PTPRK: variants seen among roughly 807,000 people sequenced by gnomAD.
PTPRK encodes receptor-type tyrosine-protein phosphatase kappa.
In PTPRK, 75 loss-of-function variants were observed where a neutral mutation model predicts 178.0. That is an observed-to-expected ratio of 0.42 (90% CI 0.35 to 0.51). The LOEUF (loss-of-function observed/expected upper bound fraction) is 0.51, where lower values mean the gene tolerates loss of function less well. Ranked by LOEUF, PTPRK falls within the 20% of genes least tolerant of loss-of-function variation. The pLI is 0.02. For synonymous variants in PTPRK, 637 were observed against 620.6 expected, an observed-to-expected ratio of 1.03 and a Z score of -0.39; for missense variants, 1,441 against 1,797.8, an observed-to-expected ratio of 0.80 and a Z score of 3.59.
At chr6:127,975,863 G>C (rs144253850) in intron 27 of PTPRK, among the ~76,000 whole-genome samples, 1 of 146,096 alleles carries the variant, frequency 6.8e-6, no homozygotes, top group Non-Finnish European at 1.5e-5. Flanking sequence ...AGTAGAGATG[G>C]GGTTTCACCA....
chr6:128,368,085 A>G (rs1380408528), intron 2 of PTPRK, among the ~76,000 whole-genome samples: 1 of 152,140 alleles, frequency 6.6e-6, no homozygotes, highest in Non-Finnish European at 1.5e-5. Flanking sequence ...TTGTTTTGTA[A>G]GTCACTGGAT....
chr6:128,099,963 T>C lies in PTPRK; in HGVS notation c.1163-9971A>G, dbSNP rs75122479. Among the ~76,000 whole-genome samples the C allele has an allele frequency of 2.7e-3, 405 of 152,190 alleles. 1 individual carries two copies. The highest frequency in any genetic ancestry group is 9.3e-3 in the African/African-American group (385 of 41,574). On this transcript the variant is annotated intron_variant, in intron 7 of 29. Transcript: ENST00000368226. ...TCAGAGATTAAATTAAAAGGAGATA[T>C]ATGGCCTGCACATACTAGAAATGCT... is the stretch of plus-strand genomic sequence containing the variant.
At chr6:127,996,523 G>C (rs1235914937) in intron 17 of PTPRK, among the ~76,000 whole-genome samples, 1 of 152,136 alleles carries the variant, frequency 6.6e-6, no homozygotes, top group African/African-American at 2.4e-5. Context: ...CCAGGCTGGA[G>C]TGCAGTAATG....
At chr6:128,046,067 T>A (rs1385660548) in intron 13 of PTPRK, among the ~76,000 whole-genome samples, 2 of 152,168 alleles carry the variant, frequency 1.3e-5, no homozygotes, top group African/African-American at 4.8e-5. Context: ...CAGGAAATAT[T>A]AGTGCCTAAC....
intron 13 of PTPRK, among the ~76,000 whole-genome samples, chr6:128,059,241 C>T (rs76674214): frequency 0.027 from 4,061 of 152,132 alleles, 179 homozygotes; most frequent in African/African-American, 0.093. Context: ...ACTGACATTT[C>T]ACCAATATTG....
intron 7 of PTPRK, among the ~76,000 whole-genome samples, chr6:128,138,372 T>C (rs1795304829): frequency 1.3e-5 from 2 of 152,186 alleles, no homozygotes; most frequent in South Asian, 2.1e-4. Context: ...CGGGAAAAAA[T>C]AGATGTGCAA....
intron 2 of PTPRK, among the ~76,000 whole-genome samples, chr6:128,380,991 G>A (rs1837829850): frequency 6.6e-6 from 1 of 152,082 alleles, no homozygotes; most frequent in East Asian, 1.9e-4. Context: ...CTATCAGACA[G>A]TTTTAAACCC....
chr6:128,072,153 T>C (rs1283654515), intron 11 of PTPRK, among the ~76,000 whole-genome samples: 1 of 152,008 alleles, frequency 6.6e-6, no homozygotes, highest in Non-Finnish European at 1.5e-5. Context: ...CCCATTCCTT[T>C]TAATAAACTT....
rs141332481 is a variant in PTPRK at position 128,325,548 on chromosome 6, C to A, written c.224-3238G>T. ...CACTTTTCAAAAGAAGACATTTATG[C>A]GGCCAACAAACATAAAAAAAAAGGT... On this transcript the variant is annotated intron_variant, in intron 2 of 29. Transcript: ENST00000368226. Among the ~76,000 whole-genome samples, 4 of 151,906 alleles carry A rather than the reference C, an allele frequency of 2.6e-5. No individual in the cohort carries two copies. In the South Asian group the frequency reaches 8.3e-4, roughly 32 times the overall value.
chr6:128,148,690 G>C (rs775901553), intron 7 of PTPRK, among the ~76,000 whole-genome samples: 2 of 151,976 alleles, frequency 1.3e-5, no homozygotes, highest in Non-Finnish European at 2.9e-5. Context: ...CAGAAACCAA[G>C]GACTGGCTGA....
chr6:128,356,074 C>T (rs1416993323), intron 2 of PTPRK, among the ~76,000 whole-genome samples: 3 of 152,140 alleles, frequency 2.0e-5, no homozygotes, highest in African/African-American at 7.2e-5. Context: ...GCCTAGGTCC[C>T]AGGTGTTACT....
intron 1 of PTPRK, among the ~76,000 whole-genome samples, chr6:128,511,938 A>G (rs1857251586): frequency 6.6e-6 from 1 of 152,154 alleles, no homozygotes; most frequent in Admixed American, 6.6e-5. Flanking sequence ...CTCTCAGTAA[A>G]TTACAGCTCA....
At chr6:128,108,051 CA>C (rs1790004996) in intron 7 of PTPRK, among the ~76,000 whole-genome samples, 1 of 147,472 alleles carries the variant, frequency 6.8e-6, no homozygotes, top group African/African-American at 2.5e-5. Flanking sequence ...AAAAACAAAC[CA>C]AATCCCTAAA....
At chr6:128,072,375 C>A (rs1260938067) in intron 11 of PTPRK, among the ~76,000 whole-genome samples, 3 of 151,840 alleles carry the variant, frequency 2.0e-5, no homozygotes, top group Admixed American at 6.6e-5. Flanking sequence ...TACATCTAAC[C>A]CACTGAACAG....
At chr6:128,315,685 T>G (rs1445430033) in intron 3 of PTPRK, among the ~76,000 whole-genome samples, 1 of 152,182 alleles carries the variant, frequency 6.6e-6, no homozygotes, top group Non-Finnish European at 1.5e-5. Flanking sequence ...ATAATAAAAT[T>G]GAAAAGACTA....
At chr6:128,123,507 T>C (rs909023194) in intron 7 of PTPRK, among the ~76,000 whole-genome samples, 2 of 152,202 alleles carry the variant, frequency 1.3e-5, no homozygotes, top group Non-Finnish European at 2.9e-5. Flanking sequence ...TTTCCAAAGA[T>C]AGTACAAAGT....
chr6:128,462,658 T>C (rs1328460042), intron 1 of PTPRK, among the ~76,000 whole-genome samples: 1 of 150,950 alleles, frequency 6.6e-6, no homozygotes, highest in Admixed American at 6.6e-5. Context: ...TATTTATTTA[T>C]TTATTTATTT....
chr6:128,234,561 A>C (rs1299313325), intron 5 of PTPRK, among the ~76,000 whole-genome samples: 2 of 152,246 alleles, frequency 1.3e-5, no homozygotes, highest in African/African-American at 4.8e-5. Flanking sequence ...AACTTAATGT[A>C]AATGAAATTA....
chr6:128,125,758 C>A (rs1161006878), intron 7 of PTPRK, among the ~76,000 whole-genome samples: 4 of 151,542 alleles, frequency 2.6e-5, no homozygotes, highest in Non-Finnish European at 5.9e-5. Flanking sequence ...TACAGGGATG[C>A]ACCACCATAC....
Sources: allele counts gnomAD v4.1 joint callset (sites outside exome capture counted in the v4.1 genomes callset), GRCh38; gene constraint gnomAD v4.1.1; transcripts MANE v1.5; gene names NCBI Gene and HGNC (gene_info 2026-07-23, HGNC 2026-07-21).